MYLK2: variants seen among roughly 807,000 people sequenced by gnomAD.
MYLK2 encodes the protein myosin light chain kinase 2, skeletal/cardiac muscle.
A neutral mutation model predicts 58.2 loss-of-function variants in MYLK2; 27 were observed. The ratio of observed to expected loss-of-function variants is 0.46; its 90% CI spans 0.34 to 0.64. MYLK2 has a LOEUF of 0.64. Among genes scored for constraint, MYLK2 ranks in the 30% least tolerant of loss-of-function variants. The pLI is 0.01. For missense variants in MYLK2, 676 were observed against 764.3 expected, an observed-to-expected ratio of 0.88 and a Z score of 1.36; for synonymous variants, 310 against 296.7, an observed-to-expected ratio of 1.04 and a Z score of -0.46.
chr20:31,830,964 A>G, intron 9 of MYLK2, 49 bp from the exon 10 acceptor site: 1 of 1,614,106 alleles, frequency 6.2e-7, no homozygotes, highest in Non-Finnish European at 8.5e-7. Flanking sequence ...TGGAGGGGGC[A>G]TGGGTATAGG....
chr20:31,825,148 C>G (rs549765865), intron 6 of MYLK2, among the ~76,000 whole-genome samples: 4 of 152,218 alleles, frequency 2.6e-5, no homozygotes, highest in African/African-American at 9.6e-5. Flanking sequence ...GGCACAGGCC[C>G]GACCCCAGTG....
At chr20:31,819,887 A>T (rs2062242691) in intron 2 of MYLK2, among the ~76,000 whole-genome samples, 1 of 152,194 alleles carries the variant, frequency 6.6e-6, no homozygotes, top group African/African-American at 2.4e-5. Context: ...CAGTCAGGGC[A>T]AGGATGATGG....
At position 31,826,602 on chromosome 20, in the gene MYLK2, C is replaced by T. The variant is rs2062280626; in HGVS notation, c.973-3C>T. On this transcript the variant is annotated splice_region_variant and splice_polypyrimidine_tract_variant and intron_variant, in intron 6 of 12. Coordinates refer to ENST00000375985, the MANE Select transcript of MYLK2 (RefSeq NM_033118.4). ...TGGTACCCTTGACTTCCCTGGTCCC[C>T]AGGAAATGGTGTTGCTGGAGATTGA... 1 of 1,613,998 alleles carries T rather than the reference C, an allele frequency of 6.2e-7. No homozygotes were observed. The highest frequency in any genetic ancestry group is 8.5e-7 in the Non-Finnish European group (1 of 1,180,002).
At chr20:31,824,142 C>G in intron 5 of MYLK2, 117 bp from the exon 6 acceptor site, 1 of 1,536,502 alleles carries the variant, frequency 6.5e-7, no homozygotes, top group Non-Finnish European at 8.7e-7. Context: ...TCCCATCTCA[C>G]CAAAGGGGAT....
chr20:31,821,435 C>T lies in MYLK2; in HGVS notation c.474-4C>T. On this transcript the variant is annotated splice_region_variant and splice_polypyrimidine_tract_variant and intron_variant, in intron 3 of 12. Transcript: ENST00000375985. ...GGCTTCACCTCTGTGTTCTCACCTT[C>T]TAGTTCTGAGAAGCTGCTGGCCAAG... 1.9e-6 allele frequency: 3 copies of T among 1,613,212 alleles called. No individual in the cohort carries two copies. In the South Asian group the frequency reaches 3.3e-5, roughly 18 times the overall value.
Position 31,823,469 on chromosome 20 carries a change from TC to T in MYLK2, c.773-3del. 6.2e-7 allele frequency: 1 copy of T among 1,610,940 alleles called. No individual in the cohort carries two copies. ...CACTGACCATGAGGGCTGTGCTCTG[TC>T]CCCCAGATGATTGCCCGCCACCTCC... On this transcript the variant is annotated splice_region_variant and splice_polypyrimidine_tract_variant and intron_variant, in intron 4 of 12. Transcript: ENST00000375985.
intron 6 of MYLK2, among the ~76,000 whole-genome samples, chr20:31,826,238 A>G (rs997390672): frequency 2.6e-5 from 4 of 152,196 alleles, no homozygotes; most frequent in South Asian, 2.1e-4. Flanking sequence ...CTAGAATTCA[A>G]TGGAGTGCTC....
rs2062310321 is a variant in MYLK2, at chr20:31,832,152, G to T, written c.1710+16G>T. ...GCGCTGGAAGGTACCGCTGGATTCA[G>T]GGTGGGGAGGGAGGGCTTGCTAGTG... is the stretch of plus-strand genomic sequence containing the variant. On this transcript the variant is annotated intron_variant, in intron 12 of 12. Coordinates refer to ENST00000375985, the MANE Select transcript of MYLK2 (RefSeq NM_033118.4). 1 of 1,599,508 alleles carries T rather than the reference G, an allele frequency of 6.3e-7. No individual in the cohort carries two copies. Among genetic ancestry groups the T allele is most frequent in the Non-Finnish European group, 8.5e-7 (1 of 1,172,390 alleles).
chr20:31,823,722 A>T (rs2123130859), intron 5 of MYLK2, 140 bp downstream of exon 5: 2 of 930,542 alleles, frequency 2.1e-6, no homozygotes. Flanking sequence ...TCTGTGTGGG[A>T]CACACACTGT....
chr20:31,820,598 G>A (rs752791785), intron 3 of MYLK2, 52 bp downstream of exon 3: 3 of 1,589,500 alleles, frequency 1.9e-6, no homozygotes, highest in South Asian at 1.1e-5. Flanking sequence ...CTGTCCCTAG[G>A]GGTCCTGCTT....
intron 10 of MYLK2, 44 bp downstream of exon 10, chr20:31,831,185 G>A (rs765680016): frequency 6.2e-7 from 1 of 1,613,488 alleles, no homozygotes; most frequent in South Asian, 1.1e-5. Flanking sequence ...GGTGGGGCAT[G>A]GGGGCGAGCG....
intron 6 of MYLK2, among the ~76,000 whole-genome samples, chr20:31,826,118 G>A (rs1025139524): frequency 2.6e-5 from 4 of 152,146 alleles, no homozygotes; most frequent in African/African-American, 9.7e-5. Context: ...CAAGCCGAGA[G>A]CAACTCAATT....
At chr20:31,824,185 G>C (rs2062266552) in intron 5 of MYLK2, 74 bp from the exon 6 acceptor site, 1 of 1,564,250 alleles carries the variant, frequency 6.4e-7, no homozygotes, top group African/African-American at 1.4e-5. Context: ...GACCAAGTTA[G>C]GATCAGAGCA....
intron 6 of MYLK2, among the ~76,000 whole-genome samples, chr20:31,825,250 G>A (rs191436102): frequency 2.1e-4 from 32 of 152,314 alleles, no homozygotes; most frequent in South Asian, 1.9e-3. Flanking sequence ...ATGTGACAAC[G>A]TCCTTTTTCG....
intron 8 of MYLK2, among the ~76,000 whole-genome samples, chr20:31,830,404 G>A (rs1461731682): frequency 6.6e-6 from 1 of 152,172 alleles, no homozygotes; most frequent in Non-Finnish European, 1.5e-5. Context: ...AACTGAGCTG[G>A]CATCTTCTTT....
intron 6 of MYLK2, among the ~76,000 whole-genome samples, chr20:31,824,840 A>C (rs1490312146): frequency 6.6e-6 from 1 of 152,224 alleles, no homozygotes; most frequent in African/African-American, 2.4e-5. Flanking sequence ...AGGTAGAGTG[A>C]GGGAGTCTGC....
rs1279205609 is a variant in MYLK2 at position 31,833,947 on chromosome 20, G to A, written c.*150G>A. 4.2e-6 allele frequency: 3 copies of A among 706,368 alleles called. No individual in the cohort carries two copies. The highest frequency in any genetic ancestry group is 3.5e-5 in the African/African-American group (2 of 56,542). The allele number at this position is 706,368 out of a possible 1,614,324, so 43.8% of individuals were successfully genotyped here. A position where few individuals can be genotyped will look rare whatever the true frequency, so the allele number is the denominator to read the frequency against. ...GGCTGGGAGGCTCGGGGCTCCCCAC[G>A]CCCCCATGCAGTGACCGCTTCCCCG... On this transcript the variant is annotated 3_prime_UTR_variant, in exon 13 of 13. Transcript: ENST00000375985.
Position 31,831,841 on chromosome 20 carries a change from C to T in MYLK2, c.1563C>T (p.Ile521=), listed in dbSNP as rs778848104. 5.6e-6 allele frequency: 9 copies of T among 1,614,154 alleles called. No individual in the cohort carries two copies. The highest frequency in any genetic ancestry group is 1.7e-5 in the Admixed American group (1 of 60,028). The change falls in exon 11 of 13, where the codon ATC becomes ATT. Residue 521 remains isoleucine, a synonymous_variant. Coordinates refer to ENST00000375985, the MANE Select transcript of MYLK2 (RefSeq NM_033118.4). ...CCAAAGACTTTGTCTCCAACCTCATCGTCAAGGACCAGAGGTGAGGCTCAC... is the reference window on the plus strand; with the variant it reads ...CCAAAGACTTTGTCTCCAACCTCATTGTCAAGGACCAGAGGTGAGGCTCAC... The part of the protein sequence containing the change: ...DEAKDFVSNL[I]VKDQRARMNA...
rs1385044900 is a variant in MYLK2, at chr20:31,830,801, C to T, written c.1225-18C>T. 1 of 1,613,580 alleles carries T rather than the reference C, an allele frequency of 6.2e-7. No individual in the cohort carries two copies. The highest frequency in any genetic ancestry group is 1.3e-5 in the African/African-American group (1 of 75,018). ...GAGCTGGTCAGAGGCCCACCCAGGCCACCCCCTTTCTCCTCAGCCAGAGAA... is the reference window on the plus strand; with the variant it reads ...GAGCTGGTCAGAGGCCCACCCAGGCTACCCCCTTTCTCCTCAGCCAGAGAA... On this transcript the variant is annotated intron_variant, in intron 8 of 12. Transcript: ENST00000375985.
Sources: allele counts gnomAD v4.1 joint callset (sites outside exome capture counted in the v4.1 genomes callset), GRCh38; gene constraint gnomAD v4.1.1; transcripts MANE v1.5; gene names NCBI Gene and HGNC (gene_info 2026-07-23, HGNC 2026-07-21).